FMNL2: variants seen among roughly 807,000 people sequenced by gnomAD.
The protein encoded by FMNL2 is formin-like protein 2.
A neutral mutation model predicts 130.2 loss-of-function variants in FMNL2; 51 were observed. The ratio of observed to expected loss-of-function variants is 0.39; its 90% CI spans 0.31 to 0.49. The LOEUF (loss-of-function observed/expected upper bound fraction) is 0.49. FMNL2 is among the 20% of genes least tolerant of loss of function. The pLI, the probability that FMNL2 is intolerant of heterozygous loss-of-function variation, is 0.85. For synonymous variants in FMNL2, 465 were observed against 467.1 expected, an observed-to-expected ratio of 1.00 and a Z score of 0.06; for missense variants, 977 against 1,316.2, an observed-to-expected ratio of 0.74 and a Z score of 3.99.
intron 9 of FMNL2, among the ~76,000 whole-genome samples, chr2:152,599,405 C>CTT (rs35753197): frequency 0.13 from 5,743 of 45,026 alleles, 1,689 homozygotes; most frequent in Middle Eastern, 0.25. Context: ...TGAAGGTCAT[C>CTT]TTTTTTTTTT....
chr2:152,614,073 T>G (rs1358778051), intron 11 of FMNL2, among the ~76,000 whole-genome samples: 3 of 152,192 alleles, frequency 2.0e-5, no homozygotes, highest in Admixed American at 2.0e-4. Context: ...GTATAAACTC[T>G]GTCAGTGTCT....
At chr2:152,492,622 A>C (rs139237670) in intron 1 of FMNL2, among the ~76,000 whole-genome samples, 1 of 152,202 alleles carries the variant, frequency 6.6e-6, no homozygotes, top group African/African-American at 2.4e-5. Context: ...ATCTTTCATA[A>C]TTTTCCATGT....
At chr2:152,446,312 A>C (rs1252936855) in intron 1 of FMNL2, among the ~76,000 whole-genome samples, 2 of 152,174 alleles carry the variant, frequency 1.3e-5, no homozygotes, top group Non-Finnish European at 2.9e-5. Context: ...GCACTGTCTT[A>C]TGGGTGATTG....
intron 10 of FMNL2, among the ~76,000 whole-genome samples, chr2:152,609,143 C>G (rs1022344199): frequency 1.3e-5 from 2 of 152,300 alleles, no homozygotes; most frequent in East Asian, 1.9e-4. Flanking sequence ...AACACCTGTA[C>G]TATCCATACA....
Position 152,647,766 on chromosome 2 carries a change from A to T in FMNL2, c.3170-30A>T, listed in dbSNP as rs73971935. ...TAGACACATGCTATTAAAGGTTGCT[A>T]TTCTCTCACTGGCACTCTCCCCTTT... On this transcript the variant is annotated intron_variant, in intron 25 of 25. Transcript: ENST00000288670. 15 of 1,603,858 alleles carry T rather than the reference A, an allele frequency of 9.4e-6. No homozygotes were observed. In the African/African-American group the frequency reaches 1.9e-4, roughly 20 times the overall value.
At chr2:152,638,582 CT>C (rs1682817987) in intron 23 of FMNL2, among the ~76,000 whole-genome samples, 1 of 152,248 alleles carries the variant, frequency 6.6e-6, no homozygotes, top group South Asian at 2.1e-4. Context: ...CTTAGCCCAT[CT>C]TCCCTCAGCA....
intron 1 of FMNL2, among the ~76,000 whole-genome samples, chr2:152,427,894 C>G (rs1401430105): frequency 6.6e-6 from 1 of 152,152 alleles, no homozygotes; most frequent in Non-Finnish European, 1.5e-5. Context: ...ATACCCTTGG[C>G]CACACGTGGT....
At chr2:152,456,398 C>T (rs748555061) in intron 1 of FMNL2, among the ~76,000 whole-genome samples, 5 of 152,128 alleles carry the variant, frequency 3.3e-5, no homozygotes, top group Admixed American at 6.5e-5. Flanking sequence ...GACAGGGTTT[C>T]GCCATGTTGC....
rs11384938 is a variant in FMNL2 at position 152,347,928 on chromosome 2, GT to G, written c.117+12220del. Among the ~76,000 whole-genome samples, 389 of 148,230 alleles carry G rather than the reference GT, an allele frequency of 2.6e-3. 7 individuals carry two copies. The East Asian group carries it at 0.048, about 18-fold the overall frequency. On this transcript the variant is annotated intron_variant, in intron 1 of 25. Transcript: ENST00000288670. ...TTCTTTACAAGTCCCTAACTTGGAA[GT>G]TTTTTTTTTTTCTTTTTCGTTTTTT... is the stretch of plus-strand genomic sequence containing the variant.
chr2:152,460,992 C>A (rs753284482), intron 1 of FMNL2, among the ~76,000 whole-genome samples: 1 of 152,170 alleles, frequency 6.6e-6, no homozygotes, highest in Non-Finnish European at 1.5e-5. Context: ...CCTTGCCTCC[C>A]CACTACCTGG....
At position 152,476,244 on chromosome 2, in the gene FMNL2, G is replaced by T. The variant is rs555359795; in HGVS notation, c.118-45699G>T. On this transcript the variant is annotated intron_variant, in intron 1 of 25. Transcript: ENST00000288670. ...TTCTAGGAATGGCTTTAAAACACCA[G>T]CTCTGTTTACCATTTGATGATATAT... Among the ~76,000 whole-genome samples, 8 of 152,296 alleles carry T rather than the reference G, an allele frequency of 5.3e-5. No homozygotes were observed. The South Asian group carries it at 1.7e-3, about 32-fold the overall frequency.
intron 9 of FMNL2, among the ~76,000 whole-genome samples, chr2:152,591,024 T>TTTG (rs1558989613): frequency 1.5e-4 from 14 of 94,952 alleles, no homozygotes; most frequent in Non-Finnish European, 2.4e-4. Flanking sequence ...TTTTTTTTTT[T>TTTG]GAGACAGCAT....
intron 9 of FMNL2, among the ~76,000 whole-genome samples, chr2:152,590,980 C>CTTTTTT (rs1158391663): frequency 3.0e-4 from 20 of 65,790 alleles, no homozygotes; most frequent in East Asian, 6.3e-4. Flanking sequence ...CCTCTGATAA[C>CTTTTTT]TTTTTTTTTT....
chr2:152,620,126 A>T (rs995225035), intron 15 of FMNL2, among the ~76,000 whole-genome samples: 2 of 151,308 alleles, frequency 1.3e-5, no homozygotes, highest in African/African-American at 2.4e-5. Context: ...TTTTTTTTTT[A>T]AATGGTATTT....
chr2:152,645,416 T>C (rs1559038080), intron 25 of FMNL2: 1 of 1,268,522 alleles, frequency 7.9e-7, no homozygotes, highest in Non-Finnish European at 1.0e-6. Flanking sequence ...TTTTGTGTTT[T>C]TGTTTTTTTC....
chr2:152,625,626 C>G, intron 16 of FMNL2, 64 bp downstream of exon 16: 1 of 1,529,104 alleles, frequency 6.5e-7, no homozygotes. Flanking sequence ...CATGGGTGTT[C>G]TGTTAACCTG....
intron 9 of FMNL2, among the ~76,000 whole-genome samples, chr2:152,601,667 CTTTCTT>C (rs1698074407): frequency 7.6e-6 from 1 of 132,238 alleles, no homozygotes; most frequent in African/African-American, 3.1e-5. Context: ...CTTTTCTTTT[CTTTCTT>C]TTTTTTTTTT....
chr2:152,380,156 A>G (rs1048121423), intron 1 of FMNL2, among the ~76,000 whole-genome samples: 6 of 152,190 alleles, frequency 3.9e-5, no homozygotes, highest in African/African-American at 1.4e-4. Flanking sequence ...TGAGCAGCCA[A>G]GAATAAGGTT....
intron 1 of FMNL2, among the ~76,000 whole-genome samples, chr2:152,410,964 G>A (rs1203218218): frequency 6.6e-6 from 1 of 152,162 alleles, no homozygotes; most frequent in Admixed American, 6.5e-5. Flanking sequence ...GAATCACTAA[G>A]TGTACTGATA....
Sources: allele counts gnomAD v4.1 joint callset (sites outside exome capture counted in the v4.1 genomes callset), GRCh38; gene constraint gnomAD v4.1.1; transcripts MANE v1.5; gene names NCBI Gene and HGNC (gene_info 2026-07-23, HGNC 2026-07-21).